The following PUM1 variants were observed in gnomAD, a reference collection of about 807,000 sequenced individuals.
PUM1 encodes pumilio homolog 1.
A neutral mutation model predicts 131.8 loss-of-function variants in PUM1; 13 were observed. The ratio of observed to expected loss-of-function variants is 0.10; its 90% CI spans 0.06 to 0.16. The LOEUF (loss-of-function observed/expected upper bound fraction) is 0.16, where lower values mean the gene tolerates loss of function less well. PUM1 is among the 10% of genes least tolerant of loss of function. The pLI, the probability that PUM1 is intolerant of heterozygous loss-of-function variation, is 1.00. For synonymous variants in PUM1, 509 were observed against 556.5 expected (o/e 0.91, Z 1.20); for missense variants, 961 against 1,512.4 (o/e 0.64, Z 6.05).
At position 30,964,767 on chromosome 1, in the gene PUM1, C is replaced by T. The variant is rs1306558413; in HGVS notation, c.2230G>A (p.Val744Met). The change falls in exon 14 of 22, where the codon GTG becomes ATG. Residue 744 changes from valine to methionine, a missense_variant. Physicochemically the swap from Val to Met is conservative, Grantham distance 21. Around this residue, in one of 4 missense-constraint regions of PUM1, gnomAD observed 117 missense variants for 200.7 expected, o/e 0.58. Coordinates refer to ENST00000426105, the MANE Select transcript of PUM1 (RefSeq NM_001020658.2). Reference protein sequence around the residue: ...GLSFSSSPGPVGMPLPSQGPG... With the variant: ...GLSFSSSPGPMGMPLPSQGPG... ...CCCTGACTAGGGAGAGGCATGCCCA[C>T]GGGTCCAGGAGAGGAGGAAAAGCTA... The T allele has an allele frequency of 1.9e-6, 3 of 1,613,870 alleles. No homozygotes were observed. The highest frequency in any genetic ancestry group is 1.3e-5 in the African/African-American group (1 of 74,844).
intron 5 of PUM1, among the ~76,000 whole-genome samples, chr1:30,999,296 A>G (rs993049178): frequency 1.3e-5 from 2 of 152,120 alleles, no homozygotes; most frequent in South Asian, 2.1e-4. Flanking sequence ...CATAACACCT[A>G]GCCCAGTCTT....
At chr1:30,966,398 A>T in intron 12 of PUM1, 120 bp from the exon 13 acceptor site, 1 of 996,250 alleles carries the variant, frequency 1.0e-6, no homozygotes, top group Non-Finnish European at 1.4e-6. Context: ...ACAGACACAA[A>T]CCATACAAAT....
intron 13 of PUM1, 134 bp from the exon 14 acceptor site, chr1:30,965,044 A>AC: frequency 1.5e-6 from 1 of 676,118 alleles, no homozygotes; most frequent in Non-Finnish European, 2.6e-6. Flanking sequence ...CCTAACTGTT[A>AC]ATGTAGCAGT....
At chr1:30,966,986 C>G in intron 12 of PUM1, 181 bp downstream of exon 12, 1 of 698,110 alleles carries the variant, frequency 1.4e-6, no homozygotes. Flanking sequence ...CCCACCAACC[C>G]CCCAACAAAA....
At chr1:30,942,571 G>T (rs1639500298) in intron 18 of PUM1, among the ~76,000 whole-genome samples, 1 of 152,036 alleles carries the variant, frequency 6.6e-6, no homozygotes, top group African/African-American at 2.4e-5. Flanking sequence ...ATTTAACTGT[G>T]ATGTTTTTCA....
intron 5 of PUM1, among the ~76,000 whole-genome samples, chr1:30,996,725 C>T (rs1034683755): frequency 6.6e-5 from 10 of 152,128 alleles, no homozygotes; most frequent in Non-Finnish European, 1.5e-4. Context: ...TGAATGATAA[C>T]CAATTATGCA....
At chr1:31,025,506 T>C (rs900373203) in intron 3 of PUM1, among the ~76,000 whole-genome samples, 1 of 151,966 alleles carries the variant, frequency 6.6e-6, no homozygotes, top group African/African-American at 2.4e-5. Flanking sequence ...GCAATTTACT[T>C]CTAGTGTTTA....
At chr1:31,055,475 T>C (rs1298521917) in intron 2 of PUM1, 1 of 444,872 alleles carries the variant, frequency 2.2e-6, no homozygotes, top group Non-Finnish European at 4.5e-6. Flanking sequence ...TACACTATAA[T>C]GACTACAGAA....
At chr1:31,008,749 A>G (rs1330872062) in intron 3 of PUM1, among the ~76,000 whole-genome samples, 1 of 152,188 alleles carries the variant, frequency 6.6e-6, no homozygotes, top group Non-Finnish European at 1.5e-5. Flanking sequence ...ATTCAAAAAC[A>G]TCACACCTAG....
At chr1:31,012,599 T>C (rs1642664731) in intron 3 of PUM1, among the ~76,000 whole-genome samples, 2 of 151,168 alleles carry the variant, frequency 1.3e-5, no homozygotes, top group South Asian at 4.2e-4. Flanking sequence ...CTATGAGGCT[T>C]CTGGAAAACA....
At chr1:31,062,088 C>T (rs998840163) in intron 1 of PUM1, among the ~76,000 whole-genome samples, 3 of 152,164 alleles carry the variant, frequency 2.0e-5, no homozygotes, top group Admixed American at 2.0e-4. Flanking sequence ...GTTTCCAAGG[C>T]CATTCAACTA....
At chr1:30,980,231 C>T in intron 8 of PUM1, 68 bp from the exon 9 acceptor site, 3 of 1,221,122 alleles carry the variant, frequency 2.5e-6, no homozygotes, top group African/African-American at 1.5e-5. Flanking sequence ...AATACCTACA[C>T]AGTTTCGCTA....
intron 2 of PUM1, among the ~76,000 whole-genome samples, chr1:31,052,914 G>C (rs887621558): frequency 1.3e-5 from 2 of 151,842 alleles, no homozygotes; most frequent in African/African-American, 4.8e-5. Flanking sequence ...ATGTTGCCCA[G>C]GTTAGTCTCG....
intron 14 of PUM1, among the ~76,000 whole-genome samples, chr1:30,958,025 GA>G (rs1383830411): frequency 6.6e-6 from 1 of 152,182 alleles, no homozygotes; most frequent in Non-Finnish European, 1.5e-5. Context: ...AACCAAGTGA[GA>G]AATCACAAAA....
At chr1:30,987,840 A>C (rs1436439094) in intron 7 of PUM1, among the ~76,000 whole-genome samples, 1 of 152,198 alleles carries the variant, frequency 6.6e-6, no homozygotes, top group African/African-American at 2.4e-5. Context: ...TAGACAACAA[A>C]CTACATTAAC....
intron 17 of PUM1, among the ~76,000 whole-genome samples, chr1:30,948,143 G>C (rs949996179): frequency 2.6e-5 from 4 of 151,974 alleles, no homozygotes; most frequent in African/African-American, 4.8e-5. Context: ...CCACTGTGCT[G>C]GGCCCAGAAG....
chr1:31,065,494 C>A, intron 1 of PUM1, 122 bp downstream of exon 1: 1 of 1,224,870 alleles, frequency 8.2e-7, no homozygotes, highest in Non-Finnish European at 1.1e-6. Flanking sequence ...AGCCAGGGCC[C>A]CGGCGGCTTT....
intron 20 of PUM1, among the ~76,000 whole-genome samples, chr1:30,937,780 C>T (rs967876536): frequency 1.3e-5 from 2 of 151,760 alleles, no homozygotes; most frequent in Non-Finnish European, 2.9e-5. Flanking sequence ...ATTTTATTTT[C>T]ATTTTTGAGA....
At chr1:30,945,737 C>A (rs1212869950) in intron 17 of PUM1, among the ~76,000 whole-genome samples, 2 of 152,082 alleles carry the variant, frequency 1.3e-5, no homozygotes, top group East Asian at 3.8e-4. Context: ...AGATCTCACA[C>A]CTGTAAAAAC....
Sources: gnomAD v4.1 joint callset for allele counts (sites outside exome capture counted in the v4.1 genomes callset) on GRCh38, gnomAD v4.1.1 for gene constraint, gnomAD v4.1.1 regional missense constraint, MANE v1.5 for transcripts, NCBI Gene and HGNC (gene_info 2026-07-23, HGNC 2026-07-21) for gene names.